STK33: variants seen among roughly 807,000 people sequenced by gnomAD.
STK33 encodes serine/threonine kinase 33, also known as serine/threonine-protein kinase 33.
STK33 carries 52 observed loss-of-function variants against 58.0 expected under a neutral mutation model. That is an observed-to-expected ratio of 0.90 (90% CI 0.72 to 1.13). The LOEUF is 1.13. Among genes scored for constraint, STK33 ranks in the 50% most tolerant of loss-of-function variants. The pLI is 0.00. For missense variants in STK33, 630 were observed against 604.2 expected (o/e 1.04, Z -0.45); for synonymous variants, 215 against 200.1 (o/e 1.07, Z -0.63).
intron 6 of STK33, among the ~76,000 whole-genome samples, chr11:8,471,364 CTT>C (rs1948760889): frequency 6.6e-6 from 1 of 152,094 alleles, no homozygotes; most frequent in African/African-American, 2.4e-5. Context: ...AAAACAGTTT[CTT>C]ATTTCTAATA....
At chr11:8,350,355 C>T in the STK33 span, among the ~76,000 whole-genome samples, 126 of 152,278 alleles carry the variant, frequency 8.3e-4, 3 homozygotes, top group East Asian at 0.016. Context: ...ATAGAAAGAG[C>T]TCAAAGTGCA....
At position 8,450,859 on chromosome 11, in the gene STK33, G is replaced by A. The variant is rs1481110207; in HGVS notation, c.871+1963C>T. On this transcript the variant is annotated intron_variant, in intron 11 of 15. Coordinates refer to ENST00000687296, the MANE Select transcript of STK33 (RefSeq NM_001352389.2). ...ATTACTTCATTAATAAATTTAAAGA[G>A]AAAAATACGATTATCTCAATAGGTA... Among the ~76,000 whole-genome samples, 3 of 152,070 alleles carry A rather than the reference G, an allele frequency of 2.0e-5. No individual in the cohort carries two copies. The East Asian group carries it at 5.8e-4, about 29-fold the overall frequency.
chr11:8,497,901 T>TCA (rs1013609973), intron 1 of STK33, among the ~76,000 whole-genome samples: 9 of 151,982 alleles, frequency 5.9e-5, no homozygotes, highest in Admixed American at 2.0e-4. Context: ...CAAAGACATC[T>TCA]CACACACACA....
the STK33 span, among the ~76,000 whole-genome samples, chr11:8,386,786 C>T: frequency 6.6e-6 from 1 of 152,220 alleles, no homozygotes; most frequent in Non-Finnish European, 1.5e-5. Flanking sequence ...GGGAGGTGGA[C>T]TCCACATCTG....
chr11:8,574,875 C>G (rs1958069234), intron 1 of STK33, among the ~76,000 whole-genome samples: 1 of 148,002 alleles, frequency 6.8e-6, no homozygotes, highest in South Asian at 2.1e-4. Flanking sequence ...CCCATCTCTA[C>G]AAAAAAAGGA....
chr11:8,357,610 G>A, the STK33 span, among the ~76,000 whole-genome samples: 17 of 152,282 alleles, frequency 1.1e-4, no homozygotes, highest in African/African-American at 4.1e-4. Flanking sequence ...TCGGAACCGC[G>A]GGAGGGGCAG....
At chr11:8,559,841 A>G (rs1957004314) in intron 1 of STK33, among the ~76,000 whole-genome samples, 1 of 152,176 alleles carries the variant, frequency 6.6e-6, no homozygotes, top group African/African-American at 2.4e-5. Flanking sequence ...TTTTCTTTGC[A>G]TATACACAGC....
intron 1 of STK33, among the ~76,000 whole-genome samples, chr11:8,523,850 T>C (rs910046845): frequency 3.9e-5 from 6 of 152,222 alleles, no homozygotes; most frequent in African/African-American, 9.6e-5. Flanking sequence ...TGGGCCATGA[T>C]GACGATGGCG....
chr11:8,459,182 T>C (rs970931699), intron 8 of STK33, among the ~76,000 whole-genome samples: 2 of 152,214 alleles, frequency 1.3e-5, no homozygotes, highest in Non-Finnish European at 2.9e-5. Context: ...GTTATAATTA[T>C]TAGAAACAAC....
intron 1 of STK33, among the ~76,000 whole-genome samples, chr11:8,568,254 T>C (rs1957575924): frequency 6.6e-6 from 1 of 152,184 alleles, no homozygotes. Context: ...ACACTCCAAG[T>C]TGCAATTCAG....
intron 1 of STK33, among the ~76,000 whole-genome samples, chr11:8,518,840 G>A (rs1591591053): frequency 1.3e-5 from 2 of 152,256 alleles, no homozygotes; most frequent in South Asian, 2.1e-4. Context: ...GATTCATAAA[G>A]CAAGTCCTTA....
chr11:8,488,535 G>A (rs527856660), intron 1 of STK33, among the ~76,000 whole-genome samples: 8 of 152,176 alleles, frequency 5.3e-5, no homozygotes, highest in African/African-American at 9.6e-5. Flanking sequence ...CAACATGCAC[G>A]TAGAGTTCCT....
intron 1 of STK33, among the ~76,000 whole-genome samples, chr11:8,518,590 A>G (rs983726283): frequency 6.6e-6 from 1 of 152,246 alleles, no homozygotes; most frequent in African/African-American, 2.4e-5. Context: ...TGTATTCAGG[A>G]GACCCATCTC....
At chr11:8,585,960 G>GGA (rs913034811) in intron 1 of STK33, among the ~76,000 whole-genome samples, 4 of 152,128 alleles carry the variant, frequency 2.6e-5, no homozygotes, top group African/African-American at 9.7e-5. Flanking sequence ...GGCTGAGACA[G>GGA]GAGAATCGCT....
chr11:8,339,226 C>T, the STK33 span, among the ~76,000 whole-genome samples: 2,406 of 152,238 alleles, frequency 0.016, 27 homozygotes, highest in Non-Finnish European at 0.024. Flanking sequence ...TGCACGCCTC[C>T]GAGTGATTCT....
chr11:8,365,846 C>G, the STK33 span, among the ~76,000 whole-genome samples: 1 of 152,206 alleles, frequency 6.6e-6, no homozygotes, highest in Non-Finnish European at 1.5e-5. Context: ...CGCCCACCTT[C>G]CACCCCACAG....
At position 8,454,926 on chromosome 11, in the gene STK33, C is replaced by T. The variant is rs372699695; in HGVS notation, c.698-94G>A. On this transcript the variant is annotated intron_variant, in intron 9 of 15. Transcript: ENST00000687296. The stretch of plus-strand genomic sequence containing the variant: ...TAAATATATTTGACAAATTAATATC[C>T]GCTGTTGAAAAATTTGAGGGCCAAG... The T allele has an allele frequency of 1.2e-3, 1,464 of 1,249,918 alleles. 2 individuals carry two copies. The highest frequency in any genetic ancestry group is 2.3e-3 in the Middle Eastern group (8 of 3,432). 77.4% of individuals were successfully genotyped at this position (1,249,918 alleles called of 1,614,324 possible).
At chr11:8,475,934 G>C (rs547125075) in intron 4 of STK33, 5 of 152,068 alleles carry the variant, frequency 3.3e-5, no homozygotes, top group Non-Finnish European at 5.9e-5. Flanking sequence ...CTTTGAACTG[G>C]AATAAACTTG....
chr11:8,360,605 T>C, the STK33 span, among the ~76,000 whole-genome samples: 2 of 152,246 alleles, frequency 1.3e-5, no homozygotes, highest in Non-Finnish European at 1.5e-5. Flanking sequence ...GTGTCAGCTG[T>C]TGCATTCTCA....
Sources: gnomAD v4.1 joint callset for allele counts (sites outside exome capture counted in the v4.1 genomes callset) on GRCh38, gnomAD v4.1.1 for gene constraint, MANE v1.5 for transcripts, NCBI Gene and HGNC (gene_info 2026-07-23, HGNC 2026-07-21) for gene names.